Variants in MAGI1 observed in about 807,000 individuals in gnomAD.
MAGI1 encodes the protein membrane-associated guanylate kinase, WW and PDZ domain-containing protein 1.
MAGI1 carries 58 observed loss-of-function variants against 139.9 expected under a neutral mutation model. The ratio of observed to expected loss-of-function variants is 0.41; its 90% CI spans 0.34 to 0.52. The LOEUF (loss-of-function observed/expected upper bound fraction) is 0.52. Among genes scored for constraint, MAGI1 ranks in the 20% least tolerant of loss-of-function variants. The probability of loss-of-function intolerance (pLI) is 0.12; values close to 1 mark genes in which losing one functional copy is unlikely to be tolerated. For synonymous variants in MAGI1, 812 were observed against 737.9 expected, an observed-to-expected ratio of 1.10 and a Z score of -1.63; for missense variants, 1,874 against 1,901.6, an observed-to-expected ratio of 0.99 and a Z score of 0.27.
chr3:65,409,398 A>T (rs1434819538), intron 12 of MAGI1, among the ~76,000 whole-genome samples: 1 of 152,052 alleles, frequency 6.6e-6, no homozygotes, highest in Admixed American at 6.6e-5. Context: ...CTAGCATTTA[A>T]TCGTGGGGTG....
chr3:65,821,401 C>T (rs2108254054), intron 1 of MAGI1, among the ~76,000 whole-genome samples: 1 of 152,220 alleles, frequency 6.6e-6, no homozygotes, highest in East Asian at 1.9e-4. Flanking sequence ...AATTAACGTC[C>T]ACGTCTGCCA....
At chr3:65,497,309 G>C (rs1313381886) in intron 2 of MAGI1, among the ~76,000 whole-genome samples, 1 of 152,162 alleles carries the variant, frequency 6.6e-6, no homozygotes, top group Non-Finnish European at 1.5e-5. Flanking sequence ...ATGAGAATAA[G>C]AGAAAGATCG....
chr3:65,796,065 A>T (rs529034042), intron 1 of MAGI1, among the ~76,000 whole-genome samples: 1 of 150,860 alleles, frequency 6.6e-6, no homozygotes, highest in African/African-American at 2.4e-5. Context: ...AAAAAAAAAA[A>T]AAAAAGAAAA....
intron 2 of MAGI1, among the ~76,000 whole-genome samples, chr3:65,521,541 C>G (rs550832988): frequency 8.5e-5 from 13 of 152,078 alleles, no homozygotes; most frequent in Non-Finnish European, 1.8e-4. Context: ...TGACTTGAGG[C>G]CTGTATTACT....
intron 1 of MAGI1, among the ~76,000 whole-genome samples, chr3:65,802,625 C>A (rs536063699): frequency 6.6e-6 from 1 of 152,300 alleles, no homozygotes; most frequent in Admixed American, 6.5e-5. Flanking sequence ...GGTAGCAACA[C>A]TCAGGCAAGT....
chr3:65,897,971 A>G (rs984669106), intron 1 of MAGI1, among the ~76,000 whole-genome samples: 2 of 152,196 alleles, frequency 1.3e-5, no homozygotes, highest in Non-Finnish European at 2.9e-5. Flanking sequence ...TTAAAGGCAT[A>G]CTGTTTTCAG....
chr3:65,963,988 G>A lies in MAGI1; in HGVS notation c.313+74008C>T, dbSNP rs189903553. ...TGACTAAGCCAAGCTTCCAATGAAG[G>A]GCAGTGAGTCAGATTCCTGAGTCTA... is the stretch of plus-strand genomic sequence containing the variant. On this transcript the variant is annotated intron_variant, in intron 1 of 22. Transcript: ENST00000402939. Among the ~76,000 whole-genome samples the A allele has an allele frequency of 4.4e-3, 676 of 152,264 alleles. 1 individual carries two copies. The highest frequency in any genetic ancestry group is 7.2e-3 in the Non-Finnish European group (491 of 68,024).
intron 12 of MAGI1, among the ~76,000 whole-genome samples, chr3:65,422,398 GCAAA>G (rs753808552): frequency 2.0e-5 from 3 of 152,106 alleles, no homozygotes; most frequent in Non-Finnish European, 4.4e-5. Flanking sequence ...CACAGCTATG[GCAAA>G]CAAACAGACC....
At chr3:65,658,962 A>C (rs949924523) in intron 1 of MAGI1, among the ~76,000 whole-genome samples, 1 of 152,194 alleles carries the variant, frequency 6.6e-6, no homozygotes, top group African/African-American at 2.4e-5. Context: ...CTTGTGGATT[A>C]ATGACAGTTG....
intron 1 of MAGI1, among the ~76,000 whole-genome samples, chr3:66,037,471 G>A (rs1261863925): frequency 6.6e-6 from 1 of 152,096 alleles, no homozygotes; most frequent in African/African-American, 2.4e-5. Context: ...TCTGGCGGCG[G>A]GCTCAGGAAC....
At chr3:65,477,711 A>ATTATTATTTT (rs376492339) in intron 4 of MAGI1, among the ~76,000 whole-genome samples, 2 of 141,610 alleles carry the variant, frequency 1.4e-5, no homozygotes, top group African/African-American at 2.6e-5. Context: ...TATTATTATT[A>ATTATTATTTT]TTTTTTTTTT....
At chr3:65,946,462 T>C (rs531118737) in intron 1 of MAGI1, among the ~76,000 whole-genome samples, 246 of 152,188 alleles carry the variant, frequency 1.6e-3, no homozygotes, top group African/African-American at 5.4e-3. Flanking sequence ...TTTTTTTCCG[T>C]TGGGCAGAAA....
At chr3:65,619,963 T>G (rs1035964430) in intron 2 of MAGI1, 72 of 985,412 alleles carry the variant, frequency 7.3e-5, no homozygotes, top group Admixed American at 3.1e-4. Flanking sequence ...AAAACAAACA[T>G]GATTTTTCCA....
rs770002282 is a variant in MAGI1, at chr3:65,356,701, C to G, written c.4066G>C (p.Glu1356Gln). Residue 1356 changes from glutamate (E) to glutamine (Q), a missense_variant, in exon 23 of 23, where the codon GAG (glutamate) becomes CAG (glutamine). Coordinates refer to ENST00000402939, the MANE Select transcript of MAGI1 (RefSeq NM_001033057.2). ...TCTCTCCTGCGGGTGGGTGACCGCT[C>G]TCGCCTCCGCTCCGGAGAGACGTCT... ...RRDVSPERRR[E>Q]RSPTRRRDGS... 8.2e-6 allele frequency: 13 copies of G among 1,592,856 alleles called. No individual in the cohort carries two copies. In the East Asian group the frequency reaches 2.2e-4, roughly 27 times the overall value.
chr3:65,672,242 C>T (rs2086907190), intron 1 of MAGI1, among the ~76,000 whole-genome samples: 1 of 152,170 alleles, frequency 6.6e-6, no homozygotes, highest in African/African-American at 2.4e-5. Flanking sequence ...TGGGCATTGT[C>T]TACACTTCAG....
chr3:65,901,838 C>A (rs1044496601), intron 1 of MAGI1, among the ~76,000 whole-genome samples: 13 of 152,170 alleles, frequency 8.5e-5, no homozygotes, highest in Admixed American at 6.5e-5. Context: ...TGCCTGCTAT[C>A]CCACAGGGTT....
At chr3:65,396,916 T>C (rs1191513299) in intron 13 of MAGI1, among the ~76,000 whole-genome samples, 3 of 152,194 alleles carry the variant, frequency 2.0e-5, no homozygotes, top group Non-Finnish European at 4.4e-5. Flanking sequence ...GAGGAGTTAA[T>C]GCAGAAGAAA....
chr3:65,404,418 T>A (rs1359727185), intron 12 of MAGI1, among the ~76,000 whole-genome samples: 1 of 152,136 alleles, frequency 6.6e-6, no homozygotes, highest in Non-Finnish European at 1.5e-5. Context: ...AGAAAACCTT[T>A]GTTTAAAGAG....
intron 4 of MAGI1, among the ~76,000 whole-genome samples, chr3:65,475,636 C>T (rs1214185019): frequency 6.6e-6 from 1 of 152,130 alleles, no homozygotes; most frequent in African/African-American, 2.4e-5. Context: ...TGTTCTTTCT[C>T]AAGGGCTCTT....
Sources: allele counts gnomAD v4.1 joint callset (sites outside exome capture counted in the v4.1 genomes callset), GRCh38; gene constraint gnomAD v4.1.1; transcripts MANE v1.5; gene names NCBI Gene and HGNC (gene_info 2026-07-23, HGNC 2026-07-21).